The following ABCA13 variants were observed in gnomAD, a reference collection of about 807,000 sequenced individuals.
ABCA13 encodes the protein ATP binding cassette subfamily A member 13, also known as ATP-binding cassette sub-family A member 13.
ABCA13 carries 476 observed loss-of-function variants against 478.7 expected under a neutral mutation model. The observed-to-expected ratio is 0.99, with a 90% CI of 0.92 to 1.07. The LOEUF (loss-of-function observed/expected upper bound fraction) is 1.07, where lower values mean the gene tolerates loss of function less well. ABCA13 is among the 50% of genes least tolerant of loss of function. The probability of loss-of-function intolerance (pLI) is 0.00; values close to 1 mark genes in which losing one functional copy is unlikely to be tolerated. For missense variants in ABCA13, 6,060 were observed against 5,910.6 expected, an observed-to-expected ratio of 1.03 and a Z score of -0.83; for synonymous variants, 2,252 against 2,158.9, an observed-to-expected ratio of 1.04 and a Z score of -1.20.
chr7:48,230,212 C>T (rs2128990214), intron 7 of ABCA13, among the ~76,000 whole-genome samples: 1 of 152,256 alleles, frequency 6.6e-6, no homozygotes, highest in Admixed American at 6.5e-5. Flanking sequence ...TTAAAAATAA[C>T]TGATTTTAAA....
intron 23 of ABCA13, among the ~76,000 whole-genome samples, chr7:48,309,161 C>A (rs1801374140): frequency 6.6e-6 from 1 of 151,656 alleles, no homozygotes; most frequent in Non-Finnish European, 1.5e-5. Flanking sequence ...CTGTTGAGTT[C>A]TCCGTGCTCT....
chr7:48,389,612 AC>A (rs1221429908), intron 37 of ABCA13, among the ~76,000 whole-genome samples: 3 of 152,216 alleles, frequency 2.0e-5, no homozygotes, highest in Non-Finnish European at 4.4e-5. Flanking sequence ...TCACAGTGGT[AC>A]TTGCAAATTT....
intron 33 of ABCA13, 60 bp from the exon 34 acceptor site, chr7:48,374,287 T>A (rs983363129): frequency 6.7e-7 from 1 of 1,492,574 alleles, no homozygotes; most frequent in Non-Finnish European, 9.1e-7. Context: ...GTGTTGTGGA[T>A]TTTCTGTGGT....
At chr7:48,433,645 C>A (rs963296666) in intron 42 of ABCA13, among the ~76,000 whole-genome samples, 1 of 151,844 alleles carries the variant, frequency 6.6e-6, no homozygotes, top group African/African-American at 2.4e-5. Context: ...TTTATCTTCT[C>A]AAATTGAAAC....
chr7:48,254,940 G>A (rs1378003683), intron 15 of ABCA13, among the ~76,000 whole-genome samples: 1 of 152,140 alleles, frequency 6.6e-6, no homozygotes, highest in Non-Finnish European at 1.5e-5. Flanking sequence ...CAGTGGAAAA[G>A]TAGCTTCAAA....
intron 43 of ABCA13, among the ~76,000 whole-genome samples, 160 bp downstream of exon 43, chr7:48,455,446 T>C (rs1053683111): frequency 6.6e-6 from 1 of 152,234 alleles, no homozygotes; most frequent in Admixed American, 6.5e-5. Flanking sequence ...GGAGAAGCTC[T>C]TGCTCCTCTC....
At chr7:48,568,133 C>T (rs1585836344) in intron 55 of ABCA13, among the ~76,000 whole-genome samples, 1 of 152,112 alleles carries the variant, frequency 6.6e-6, no homozygotes, top group Non-Finnish European at 1.5e-5. Context: ...AACTCTAGAA[C>T]ACTTTCATTA....
chr7:48,487,075 C>T (rs752276237), intron 47 of ABCA13, among the ~76,000 whole-genome samples: 1 of 152,078 alleles, frequency 6.6e-6, no homozygotes, highest in Non-Finnish European at 1.5e-5. Context: ...CTTTGGGAGT[C>T]CAAAGTGGGC....
chr7:48,345,611 A>G (rs1019732286), intron 29 of ABCA13, among the ~76,000 whole-genome samples: 53 of 152,328 alleles, frequency 3.5e-4, no homozygotes, highest in Middle Eastern at 3.4e-3. Flanking sequence ...CAGCTGTACA[A>G]TGTGTTTTGT....
chr7:48,313,381 A>G, intron 25 of ABCA13, 150 bp downstream of exon 25: 1 of 791,340 alleles, frequency 1.3e-6, no homozygotes. Context: ...TCTGGAAGCA[A>G]CAGCATAACA....
chr7:48,563,679 G>A (rs536758606), intron 55 of ABCA13, among the ~76,000 whole-genome samples: 7 of 152,160 alleles, frequency 4.6e-5, no homozygotes, highest in African/African-American at 1.4e-4. Flanking sequence ...CTGTGGTCAG[G>A]CCTGAAAAGT....
In ABCA13 at chr7:48,410,526, C is replaced by A. The variant is rs200884155; in HGVS notation, c.12077C>A (p.Thr4026Lys). 6.2e-7 allele frequency: 1 copy of A among 1,614,026 alleles called. No individual in the cohort carries two copies. Among genetic ancestry groups the A allele is most frequent in the Non-Finnish European group, 8.5e-7 (1 of 1,179,876 alleles). ...ACCCTGTGCTTGGACCCAGGTCGTA[C>A]GATCATCTTCACAACCCACCACCTG... ...DILLKYREGR[T>K]IIFTTHHLDE... The change falls in exon 40 of 62, where the codon ACG becomes AAG. Residue 4026 changes from threonine to lysine, a missense_variant. Around this residue, in one of 3 missense-constraint regions of ABCA13, gnomAD observed 1,627 missense variants for 1,571.0 expected, o/e 1.04. Transcript: ENST00000435803.
intron 55 of ABCA13, among the ~76,000 whole-genome samples, chr7:48,549,548 T>C (rs1359808418): frequency 1.3e-5 from 2 of 151,882 alleles, no homozygotes; most frequent in African/African-American, 2.4e-5. Context: ...GTCTTTATAG[T>C]AGAATGATTT....
At chr7:48,255,356 T>C (rs1793220068) in intron 15 of ABCA13, among the ~76,000 whole-genome samples, 1 of 152,188 alleles carries the variant, frequency 6.6e-6, no homozygotes, top group East Asian at 1.9e-4. Flanking sequence ...TAAATAAGTT[T>C]CATAATATTA....
intron 52 of ABCA13, 22 bp downstream of exon 52, chr7:48,516,903 C>T (rs779770621): frequency 6.2e-7 from 1 of 1,609,442 alleles, no homozygotes; most frequent in South Asian, 1.1e-5. Flanking sequence ...TGTAGCATCA[C>T]CTCTACACTT....
At chr7:48,422,159 C>T (rs1356639706) in intron 41 of ABCA13, among the ~76,000 whole-genome samples, 2 of 151,220 alleles carry the variant, frequency 1.3e-5, no homozygotes, top group East Asian at 3.9e-4. Flanking sequence ...GACCCTGTTC[C>T]CTTTTTCTTT....
chr7:48,567,334 G>A (rs917190045), intron 55 of ABCA13, among the ~76,000 whole-genome samples: 21 of 152,110 alleles, frequency 1.4e-4, no homozygotes, highest in African/African-American at 4.8e-4. Context: ...GCAGTGCAGA[G>A]GCTGCAAGGG....
intron 20 of ABCA13, among the ~76,000 whole-genome samples, chr7:48,294,436 T>TG (rs1313255306): frequency 6.0e-4 from 83 of 137,956 alleles, no homozygotes; most frequent in African/African-American, 1.9e-3. Context: ...TTTTTTTTTT[T>TG]TTTTTGTTTT....
rs562841832 is a variant in ABCA13, at chr7:48,606,417, G to A, written c.14745-8868G>A. On this transcript the variant is annotated intron_variant, in intron 58 of 61. Transcript: ENST00000435803. ...TGGTCTCTGAGTGGGCGTCCTTTTT[G>A]TTGATGTTGATACTATTCCTTTCTG... Among the ~76,000 whole-genome samples, 98 of 152,224 alleles carry A rather than the reference G, an allele frequency of 6.4e-4. No homozygotes were observed. The Middle Eastern group carries it at 0.02, about 32-fold the overall frequency.
Sources: allele counts gnomAD v4.1 joint callset (sites outside exome capture counted in the v4.1 genomes callset), GRCh38; gene constraint gnomAD v4.1.1; regional missense constraint gnomAD v4.1.1; transcripts MANE v1.5; gene names NCBI Gene and HGNC (gene_info 2026-07-23, HGNC 2026-07-21).